The following WDR70 variants were observed in gnomAD, a reference collection of about 807,000 sequenced individuals.
WDR70 encodes WD repeat-containing protein 70.
Under a neutral mutation model 88.6 loss-of-function variants are expected in WDR70, and 53 were observed. That is an observed-to-expected ratio of 0.60 (90% CI 0.48 to 0.75). The LOEUF is 0.75. Ranked by LOEUF, WDR70 falls within the 30% of genes least tolerant of loss-of-function variation. The pLI, the probability that WDR70 is intolerant of heterozygous loss-of-function variation, is 0.00. For missense variants in WDR70, 610 were observed against 823.2 expected (o/e 0.74, Z 3.17); for synonymous variants, 280 against 270.0 (o/e 1.04, Z -0.36).
At chr5:37,738,350 C>T (rs1383603014) in intron 17 of WDR70, among the ~76,000 whole-genome samples, 1 of 152,174 alleles carries the variant, frequency 6.6e-6, no homozygotes. Flanking sequence ...TCGCCTCATA[C>T]TTGCTCTGTT....
chr5:37,725,986 A>G (rs963493472), intron 16 of WDR70, among the ~76,000 whole-genome samples: 11 of 152,136 alleles, frequency 7.2e-5, no homozygotes, highest in Admixed American at 3.3e-4. Flanking sequence ...TTTTGAGATT[A>G]CTGTTGGTTC....
intron 17 of WDR70, among the ~76,000 whole-genome samples, chr5:37,728,611 C>A (rs546020955): frequency 1.2e-4 from 18 of 152,156 alleles, no homozygotes; most frequent in African/African-American, 3.9e-4. Context: ...ATGTTTGGCA[C>A]AAATAACACA....
intron 9 of WDR70, among the ~76,000 whole-genome samples, chr5:37,526,524 T>G (rs1450062971): frequency 2.0e-5 from 3 of 152,166 alleles, no homozygotes; most frequent in African/African-American, 7.2e-5. Context: ...ACAGCCAATA[T>G]CATACTGAAT....
At chr5:37,742,787 A>C (rs117778753) in intron 17 of WDR70, among the ~76,000 whole-genome samples, 1 of 152,296 alleles carries the variant, frequency 6.6e-6, no homozygotes, top group East Asian at 1.9e-4. Context: ...GTGGATATAC[A>C]CTTTTGCCAA....
intron 10 of WDR70, among the ~76,000 whole-genome samples, chr5:37,613,874 C>T (rs1312718356): frequency 5.3e-5 from 8 of 152,078 alleles, no homozygotes; most frequent in African/African-American, 1.2e-4. Context: ...TAGTATGTAG[C>T]GTAACTGAGG....
chr5:37,735,933 A>T (rs1187478074), intron 17 of WDR70, among the ~76,000 whole-genome samples: 1 of 152,172 alleles, frequency 6.6e-6, no homozygotes, highest in Non-Finnish European at 1.5e-5. Context: ...ATGATAACAA[A>T]GAGTCTTTAA....
chr5:37,722,731 C>G (rs913228989), intron 14 of WDR70, 124 bp from the exon 15 acceptor site: 9 of 827,892 alleles, frequency 1.1e-5, no homozygotes, highest in Admixed American at 4.5e-5. Flanking sequence ...CTCAGAAAGT[C>G]AAGTACTTGT....
intron 8 of WDR70, among the ~76,000 whole-genome samples, chr5:37,508,353 A>G (rs1369807052): frequency 6.6e-6 from 1 of 152,166 alleles, no homozygotes; most frequent in South Asian, 2.1e-4. Context: ...GCCCATCTGC[A>G]AGCCAGGAAG....
intron 14 of WDR70, chr5:37,721,491 C>A: frequency 2.1e-6 from 1 of 465,324 alleles, no homozygotes; most frequent in Non-Finnish European, 3.9e-6. Flanking sequence ...AACGTTCTGC[C>A]CACTTTGCAT....
At chr5:37,509,022 G>T (rs1740641141) in intron 8 of WDR70, among the ~76,000 whole-genome samples, 1 of 152,032 alleles carries the variant, frequency 6.6e-6, no homozygotes, top group African/African-American at 2.4e-5. Flanking sequence ...ATGTGCATAA[G>T]ATTATTATAA....
intron 9 of WDR70, among the ~76,000 whole-genome samples, chr5:37,576,609 T>G (rs1208253956): frequency 1.3e-5 from 2 of 152,186 alleles, no homozygotes; most frequent in African/African-American, 2.4e-5. Context: ...TTGATAGCGC[T>G]TCCTTCCAGT....
intron 8 of WDR70, among the ~76,000 whole-genome samples, chr5:37,511,508 CAAT>C (rs1258663180): frequency 2.0e-5 from 3 of 151,884 alleles, no homozygotes; most frequent in Non-Finnish European, 4.4e-5. Context: ...TCTCTGTAAT[CAAT>C]AATTTTTGCA....
chr5:37,506,328 A>C, intron 8 of WDR70: 1 of 905,376 alleles, frequency 1.1e-6, no homozygotes, highest in South Asian at 1.3e-5. Flanking sequence ...CAGTGAGTCA[A>C]TACCAAAAAA....
At chr5:37,443,484 A>G in intron 7 of WDR70, 112 bp downstream of exon 7, 1 of 1,231,496 alleles carries the variant, frequency 8.1e-7, no homozygotes, top group African/African-American at 1.5e-5. Flanking sequence ...AAAATACATT[A>G]CGTTTATATG....
At chr5:37,399,029 A>C (rs1328808057) in intron 5 of WDR70, among the ~76,000 whole-genome samples, 3 of 152,218 alleles carry the variant, frequency 2.0e-5, no homozygotes, top group Non-Finnish European at 4.4e-5. Flanking sequence ...CTGTAATCCC[A>C]GCACTTTGGG....
At chr5:37,382,107 T>C (rs886683387) in intron 3 of WDR70, among the ~76,000 whole-genome samples, 3 of 151,998 alleles carry the variant, frequency 2.0e-5, no homozygotes, top group African/African-American at 4.8e-5. Context: ...TGTTGTTTTT[T>C]TTTTTTTTTG....
intron 10 of WDR70, among the ~76,000 whole-genome samples, chr5:37,625,775 C>T (rs1357764575): frequency 9.2e-5 from 14 of 152,070 alleles, no homozygotes; most frequent in South Asian, 4.1e-4. Context: ...GTGATCTGCC[C>T]GCCTCAGCCT....
chr5:37,723,194 C>A, intron 15 of WDR70: 1 of 447,094 alleles, frequency 2.2e-6, no homozygotes, highest in Non-Finnish European at 4.0e-6. Context: ...TACTTTATAG[C>A]AGTTTTTTCA....
chr5:37,669,212 A>G (rs145697493), intron 10 of WDR70, among the ~76,000 whole-genome samples: 1 of 152,240 alleles, frequency 6.6e-6, no homozygotes, highest in East Asian at 1.9e-4. Context: ...TGTTGTTGAC[A>G]TTGTAAATGT....
Sources: gnomAD v4.1 joint callset for allele counts (sites outside exome capture counted in the v4.1 genomes callset) on GRCh38, gnomAD v4.1.1 for gene constraint, MANE v1.5 for transcripts, NCBI Gene and HGNC (gene_info 2026-07-23, HGNC 2026-07-21) for gene names.